Variants in MAML3 observed in about 807,000 individuals in gnomAD.
MAML3 encodes mastermind-like protein 3.
MAML3 carries 27 observed loss-of-function variants against 101.9 expected under a neutral mutation model. The ratio of observed to expected loss-of-function variants is 0.27; its 90% CI spans 0.20 to 0.37. The LOEUF is 0.37. Among genes scored for constraint, MAML3 ranks in the 10% least tolerant of loss-of-function variants. MAML3 has a pLI of 1.00. For missense variants in MAML3, 1,316 were observed against 1,444.9 expected, an observed-to-expected ratio of 0.91 and a Z score of 1.45; for synonymous variants, 501 against 555.9, an observed-to-expected ratio of 0.90 and a Z score of 1.39.
rs563850370 is a variant in MAML3, at chr4:139,891,985, T to C, written c.469-1018A>G. Among the ~76,000 whole-genome samples the C allele has an allele frequency of 4.6e-5, 7 of 152,336 alleles. No homozygotes were observed. The South Asian group carries it at 8.3e-4, about 18-fold the overall frequency. On this transcript the variant is annotated intron_variant, in intron 1 of 4. Coordinates refer to ENST00000509479, the MANE Select transcript of MAML3 (RefSeq NM_018717.5). ...GATTCTTCAATGTTTTGTCTTAAGC[T>C]TTTTTTCTCCTTCTGCTCACTCTAC...
intron 1 of MAML3, among the ~76,000 whole-genome samples, chr4:139,971,362 A>C (rs1340877941): frequency 6.6e-6 from 1 of 152,228 alleles, no homozygotes; most frequent in Non-Finnish European, 1.5e-5. Flanking sequence ...ATTCTGTTTC[A>C]AATGTCAACT....
Position 139,725,819 on chromosome 4 carries a change from T to C in MAML3, c.2348A>G (p.His783Arg), listed in dbSNP as rs760566067. The C allele has an allele frequency of 5.0e-6, 8 of 1,613,924 alleles. No homozygotes were observed. The highest frequency in any genetic ancestry group is 1.1e-5 in the South Asian group (1 of 91,082). Residue 783 changes from histidine (H) to arginine (R), a missense_variant, in exon 4 of 5, where the codon CAT becomes CGT. Transcript: ENST00000509479. ...ILAEQQLQQS[H>R]LPRQHLQPQR... Reference sequence around the variant, plus strand: ...TGGCTGGAGGTGCTGCCGGGGTAGATGTGATTGCTGCAACTGCTAGAACAA... The same window carrying C: ...TGGCTGGAGGTGCTGCCGGGGTAGACGTGATTGCTGCAACTGCTAGAACAA...
At chr4:139,731,800 G>A (rs1014494871) in intron 2 of MAML3, among the ~76,000 whole-genome samples, 2 of 152,148 alleles carry the variant, frequency 1.3e-5, no homozygotes, top group African/African-American at 4.8e-5. Context: ...TGACTACATG[G>A]AGAATGTGCT....
At chr4:140,005,538 C>T (rs1281232273) in intron 1 of MAML3, among the ~76,000 whole-genome samples, 1 of 152,164 alleles carries the variant, frequency 6.6e-6, no homozygotes, top group Non-Finnish European at 1.5e-5. Flanking sequence ...TAAATAACAA[C>T]AGATTGGAAA....
chr4:139,977,575 A>G (rs1734364929), intron 1 of MAML3, among the ~76,000 whole-genome samples: 1 of 152,178 alleles, frequency 6.6e-6, no homozygotes, highest in East Asian at 1.9e-4. Context: ...CCAGATAAGA[A>G]TTAAAAGGAT....
intron 2 of MAML3, among the ~76,000 whole-genome samples, chr4:139,823,566 G>A (rs1256940499): frequency 6.6e-6 from 1 of 152,070 alleles, no homozygotes; most frequent in Non-Finnish European, 1.5e-5. Context: ...CTCTGGGCAG[G>A]AGGCAGCAGA....
intron 1 of MAML3, among the ~76,000 whole-genome samples, chr4:139,918,322 C>A (rs750467870): frequency 6.6e-6 from 1 of 152,180 alleles, no homozygotes; most frequent in Non-Finnish European, 1.5e-5. Flanking sequence ...CCTTCATACC[C>A]TTCTCCCCTT....
chr4:139,945,264 TCTTC>T (rs1242633024), intron 1 of MAML3, among the ~76,000 whole-genome samples: 1 of 152,236 alleles, frequency 6.6e-6, no homozygotes, highest in Admixed American at 6.5e-5. Context: ...AGCAAACAAC[TCTTC>T]CTATTTCTGC....
chr4:140,039,388 C>T (rs189869463), intron 1 of MAML3, among the ~76,000 whole-genome samples: 19 of 152,286 alleles, frequency 1.2e-4, no homozygotes, highest in African/African-American at 4.3e-4. Context: ...CTCCCACAGC[C>T]CACAGCCATG....
Position 139,946,915 on chromosome 4 carries a change from ACACACACACACTCT to A in MAML3, c.469-55962_469-55949del, listed in dbSNP as rs774525516. ...CACACACACACACACACACACACAC[ACACACACACACTCT>A]CTCTCTCTCTCTCTCTCTCTCTCTT... On this transcript the variant is annotated intron_variant, in intron 1 of 4. Coordinates refer to ENST00000509479, the MANE Select transcript of MAML3 (RefSeq NM_018717.5). 6.1e-3 allele frequency among the ~76,000 whole-genome samples: 754 copies of A among 123,070 alleles called. 7 individuals are homozygous for A. Among genetic ancestry groups the A allele is most frequent in the African/African-American group, 0.019 (548 of 28,822 alleles). 80.7% of individuals were successfully genotyped at this position (123,070 alleles called of 152,430 possible). A position where few individuals can be genotyped will look rare whatever the true frequency, so the allele number is the denominator to read the frequency against.
At chr4:139,917,587 T>C (rs1237413309) in intron 1 of MAML3, among the ~76,000 whole-genome samples, 1 of 152,180 alleles carries the variant, frequency 6.6e-6, no homozygotes, top group Non-Finnish European at 1.5e-5. Context: ...AGATTTGATC[T>C]ATGTAGCTCC....
At chr4:139,961,502 A>G (rs1266053367) in intron 1 of MAML3, among the ~76,000 whole-genome samples, 3 of 152,168 alleles carry the variant, frequency 2.0e-5, no homozygotes, top group Non-Finnish European at 2.9e-5. Context: ...AGGTCCCACA[A>G]TGAGCCTGTT....
At chr4:139,926,677 A>C (rs537953289) in intron 1 of MAML3, among the ~76,000 whole-genome samples, 1 of 152,362 alleles carries the variant, frequency 6.6e-6, no homozygotes, top group South Asian at 2.1e-4. Flanking sequence ...TAAAGCCTCT[A>C]ATTTTTTTAA....
intron 2 of MAML3, among the ~76,000 whole-genome samples, chr4:139,742,327 T>G (rs181578407): frequency 2.0e-5 from 3 of 152,238 alleles, no homozygotes; most frequent in Admixed American, 2.0e-4. Context: ...TTTTGTATTT[T>G]TAGTAGAGGC....
At chr4:139,739,729 A>AG (rs1418231259) in intron 2 of MAML3, among the ~76,000 whole-genome samples, 22 of 150,048 alleles carry the variant, frequency 1.5e-4, no homozygotes, top group Admixed American at 4.6e-4. Flanking sequence ...CTAAAAAAAA[A>AG]AAAAGAAAAA....
At chr4:139,765,393 A>T (rs904116169) in intron 2 of MAML3, among the ~76,000 whole-genome samples, 22 of 152,356 alleles carry the variant, frequency 1.4e-4, no homozygotes, top group South Asian at 2.1e-4. Flanking sequence ...AAAATAATTT[A>T]AAAAAGGAAC....
chr4:140,101,186 A>G (rs769982721), intron 1 of MAML3, among the ~76,000 whole-genome samples: 2 of 152,080 alleles, frequency 1.3e-5, no homozygotes, highest in Non-Finnish European at 2.9e-5. Context: ...CACAGATATA[A>G]TCAAATAATG....
chr4:139,940,158 T>G (rs925750935), intron 1 of MAML3, among the ~76,000 whole-genome samples: 3 of 152,216 alleles, frequency 2.0e-5, no homozygotes, highest in Non-Finnish European at 2.9e-5. Context: ...TTTCACATTG[T>G]TTCAAATTGT....
At chr4:140,040,943 C>T (rs1006197284) in intron 1 of MAML3, among the ~76,000 whole-genome samples, 3 of 151,980 alleles carry the variant, frequency 2.0e-5, no homozygotes, top group African/African-American at 4.8e-5. Context: ...TACTATTTAG[C>T]GAGTGTCTGA....
Sources: gnomAD v4.1 joint callset for allele counts (sites outside exome capture counted in the v4.1 genomes callset) on GRCh38, gnomAD v4.1.1 for gene constraint, MANE v1.5 for transcripts, NCBI Gene and HGNC (gene_info 2026-07-23, HGNC 2026-07-21) for gene names.